CDYL2: variants seen among roughly 807,000 people sequenced by gnomAD.
The protein encoded by CDYL2 is chromodomain Y like 2.
In CDYL2, 23 loss-of-function variants were observed where a neutral mutation model predicts 49.4. The observed-to-expected ratio is 0.47, with a 90% CI of 0.34 to 0.66. The LOEUF (loss-of-function observed/expected upper bound fraction) is 0.66. Among genes scored for constraint, CDYL2 ranks in the 30% least tolerant of loss-of-function variants. CDYL2 has a pLI of 0.01. For missense variants in CDYL2, 678 were observed against 656.4 expected (o/e 1.03, Z -0.36); for synonymous variants, 360 against 268.8 (o/e 1.34, Z -3.32).
chr16:80,713,537 C>T (rs1904692031), intron 1 of CDYL2, among the ~76,000 whole-genome samples: 1 of 152,120 alleles, frequency 6.6e-6, no homozygotes, highest in Non-Finnish European at 1.5e-5. Context: ...ATCAAAGATT[C>T]CTCGGTGGGG....
intron 6 of CDYL2, among the ~76,000 whole-genome samples, chr16:80,606,015 A>G (rs4408558): frequency 0.52 from 78,927 of 152,126 alleles, 21,763 homozygotes; most frequent in African/African-American, 0.68. Flanking sequence ...CAGACGTTAC[A>G]GCCAGAAGTG....
intron 2 of CDYL2, among the ~76,000 whole-genome samples, chr16:80,662,295 G>A (rs1909079407): frequency 6.6e-6 from 1 of 152,172 alleles, no homozygotes; most frequent in Non-Finnish European, 1.5e-5. Context: ...AACACCTTGT[G>A]TGGCTTGAGA....
At chr16:80,796,568 A>G (rs1322844314) in intron 1 of CDYL2, among the ~76,000 whole-genome samples, 1 of 152,212 alleles carries the variant, frequency 6.6e-6, no homozygotes, top group African/African-American at 2.4e-5. Context: ...GACATGAAAC[A>G]CATCTGTTAT....
chr16:80,687,980 G>A (rs1252073924), intron 1 of CDYL2, among the ~76,000 whole-genome samples: 1 of 152,184 alleles, frequency 6.6e-6, no homozygotes, highest in African/African-American at 2.4e-5. Flanking sequence ...ACTCCTCCAT[G>A]GGAAGAAGAG....
intron 5 of CDYL2, among the ~76,000 whole-genome samples, chr16:80,610,472 A>G (rs755642673): frequency 8.5e-5 from 13 of 152,198 alleles, no homozygotes; most frequent in Non-Finnish European, 7.3e-5. Flanking sequence ...GCCACAATGG[A>G]CTGCTCTCTT....
At chr16:80,754,035 G>A (rs1001928179) in intron 1 of CDYL2, among the ~76,000 whole-genome samples, 1 of 152,216 alleles carries the variant, frequency 6.6e-6, no homozygotes, top group Non-Finnish European at 1.5e-5. Flanking sequence ...GCCCTATGCT[G>A]AGAACATTCT....
intron 2 of CDYL2, among the ~76,000 whole-genome samples, chr16:80,635,464 T>C (rs981063713): frequency 2.6e-5 from 4 of 152,158 alleles, no homozygotes; most frequent in East Asian, 3.8e-4. Context: ...CCATTCACAA[T>C]TGCTACAAAG....
At chr16:80,653,364 C>G (rs952444485) in intron 2 of CDYL2, among the ~76,000 whole-genome samples, 1 of 152,164 alleles carries the variant, frequency 6.6e-6, no homozygotes, top group Non-Finnish European at 1.5e-5. Flanking sequence ...ACTTGGAAGT[C>G]TGAGGCAGGA....
intron 3 of CDYL2, among the ~76,000 whole-genome samples, chr16:80,624,873 A>G (rs1246860189): frequency 6.6e-6 from 1 of 152,218 alleles, no homozygotes; most frequent in Non-Finnish European, 1.5e-5. Flanking sequence ...TAACTGAAAG[A>G]CCTGAAGTAA....
chr16:80,774,356 C>T (rs530354642), intron 1 of CDYL2, among the ~76,000 whole-genome samples: 50 of 136,796 alleles, frequency 3.7e-4, no homozygotes, highest in African/African-American at 1.2e-3. Flanking sequence ...GTTGATCCCA[C>T]GGAAACAGAG....
chr16:80,652,807 C>A (rs1051967071), intron 2 of CDYL2, among the ~76,000 whole-genome samples: 2 of 152,202 alleles, frequency 1.3e-5, no homozygotes, highest in Non-Finnish European at 2.9e-5. Flanking sequence ...ATGAGAAAAA[C>A]ATCAAACAAA....
chr16:80,762,823 T>A (rs1222104351), intron 1 of CDYL2, among the ~76,000 whole-genome samples: 1 of 152,090 alleles, frequency 6.6e-6, no homozygotes, highest in East Asian at 1.9e-4. Flanking sequence ...TGCTCCCTGG[T>A]GTCCCTAAAT....
chr16:80,748,148 A>G (rs964529763), intron 1 of CDYL2, among the ~76,000 whole-genome samples: 1 of 147,182 alleles, frequency 6.8e-6, no homozygotes, highest in Non-Finnish European at 1.5e-5. Context: ...AATAATAATA[A>G]TAATAATAAT....
chr16:80,797,581 G>A (rs1013439111), intron 1 of CDYL2, among the ~76,000 whole-genome samples: 1 of 151,902 alleles, frequency 6.6e-6, no homozygotes, highest in Non-Finnish European at 1.5e-5. Context: ...CAGCATACCT[G>A]GTACTCTCAG....
intron 2 of CDYL2, among the ~76,000 whole-genome samples, chr16:80,666,449 C>T (rs753355050): frequency 6.6e-6 from 1 of 152,190 alleles, no homozygotes; most frequent in Non-Finnish European, 1.5e-5. Context: ...AAATGAGATG[C>T]ACCCTGCTGA....
chr16:80,726,788 C>A (rs1017621167), intron 1 of CDYL2, among the ~76,000 whole-genome samples: 1 of 152,134 alleles, frequency 6.6e-6, no homozygotes, highest in African/African-American at 2.4e-5. Flanking sequence ...ACAACAATCA[C>A]AAAACAAACA....
intron 1 of CDYL2, among the ~76,000 whole-genome samples, chr16:80,749,303 T>C (rs941064864): frequency 6.6e-6 from 1 of 152,228 alleles, no homozygotes; most frequent in Non-Finnish European, 1.5e-5. Flanking sequence ...ATAAAAGTTA[T>C]TGAAAATGCA....
intron 1 of CDYL2, among the ~76,000 whole-genome samples, chr16:80,766,944 A>G (rs746307742): frequency 2.6e-5 from 4 of 152,190 alleles, no homozygotes; most frequent in Non-Finnish European, 5.9e-5. Context: ...CAGCCCTAAG[A>G]AACAGGTACT....
chr16:80,640,261 G>C (rs1355805276), intron 2 of CDYL2, among the ~76,000 whole-genome samples: 2 of 152,154 alleles, frequency 1.3e-5, no homozygotes. Context: ...ACTTTGTCTT[G>C]CATTTTGGAT....
Sources: gnomAD v4.1 joint callset for allele counts (sites outside exome capture counted in the v4.1 genomes callset) on GRCh38, gnomAD v4.1.1 for gene constraint, MANE v1.5 for transcripts, NCBI Gene and HGNC (gene_info 2026-07-23, HGNC 2026-07-21) for gene names.